Variants in RP1 observed in about 807,000 individuals in gnomAD.
RP1 encodes RP1 axonemal microtubule associated, also known as oxygen-regulated protein 1.
In RP1, 16 loss-of-function variants were observed where a neutral mutation model predicts 14.8. The ratio of observed to expected loss-of-function variants is 1.08; its 90% CI spans 0.73 to 1.65. The LOEUF is 1.65. Among genes scored for constraint, RP1 ranks in the 40% most tolerant of loss-of-function variants. The probability of loss-of-function intolerance (pLI) is 0.00; values close to 1 mark genes in which losing one functional copy is unlikely to be tolerated. For synonymous variants in RP1, 876 were observed against 883.6 expected (o/e 0.99, Z 0.15); for missense variants, 2,631 against 2,535.0 (o/e 1.04, Z -0.81).
At chr8:54,624,612 C>T in intron 3 of RP1, 58 bp from the exon 4 acceptor site, 1 of 1,558,014 alleles carries the variant, frequency 6.4e-7, no homozygotes, top group Non-Finnish European at 8.8e-7. Flanking sequence ...TTTCTAACTT[C>T]TCTGCCTTCC....
chr8:54,707,981 G>A (rs1015360782), intron 15 of RP1, among the ~76,000 whole-genome samples: 13 of 152,190 alleles, frequency 8.5e-5, no homozygotes, highest in Non-Finnish European at 1.6e-4. Context: ...TTATTACTAT[G>A]ACTAGACTAG....
At chr8:54,717,175 C>T (rs1808423710) in intron 15 of RP1, among the ~76,000 whole-genome samples, 1 of 152,172 alleles carries the variant, frequency 6.6e-6, no homozygotes, top group Non-Finnish European at 1.5e-5. Context: ...CTTTTGTCAA[C>T]CATTTTCTCT....
intron 21 of RP1, among the ~76,000 whole-genome samples, chr8:54,757,922 G>C (rs1009775756): frequency 2.0e-5 from 3 of 152,224 alleles, no homozygotes; most frequent in African/African-American, 7.2e-5. Context: ...TACTGGACTA[G>C]TAATGGTTTT....
intron 24 of RP1, among the ~76,000 whole-genome samples, chr8:54,790,146 C>T (rs1810427868): frequency 6.6e-6 from 1 of 152,186 alleles, no homozygotes; most frequent in Admixed American, 6.5e-5. Flanking sequence ...GCCAGGAGCC[C>T]AACCAGAAGT....
chr8:54,582,275 C>T (rs1485809093), intron 1 of RP1, among the ~76,000 whole-genome samples: 1 of 151,934 alleles, frequency 6.6e-6, no homozygotes, highest in Non-Finnish European at 1.5e-5. Flanking sequence ...TTCCCCATTT[C>T]TTGTTTTTGT....
chr8:54,775,501 T>C (rs1418846319), intron 23 of RP1, among the ~76,000 whole-genome samples: 1 of 152,122 alleles, frequency 6.6e-6, no homozygotes, highest in African/African-American at 2.4e-5. Context: ...TGGAAAGGAA[T>C]GAAGGCCATT....
At chr8:54,868,993 C>A (rs1324781264) in intron 28 of RP1, among the ~76,000 whole-genome samples, 1 of 152,160 alleles carries the variant, frequency 6.6e-6, no homozygotes, top group Non-Finnish European at 1.5e-5. Context: ...CCATCACTAG[C>A]ATTTACTGAA....
intron 27 of RP1, among the ~76,000 whole-genome samples, chr8:54,860,830 C>T (rs1489125602): frequency 6.6e-6 from 1 of 152,144 alleles, no homozygotes; most frequent in Non-Finnish European, 1.5e-5. Context: ...GTAACCTTCA[C>T]AGTGCTATTG....
chr8:54,805,558 T>C (rs1241822421), intron 24 of RP1, among the ~76,000 whole-genome samples: 1 of 152,214 alleles, frequency 6.6e-6, no homozygotes, highest in African/African-American at 2.4e-5. Context: ...TTGTGCCATG[T>C]TAATTGGACC....
intron 1 of RP1, among the ~76,000 whole-genome samples, chr8:54,603,966 C>T (rs186004813): frequency 5.1e-4 from 78 of 152,318 alleles, no homozygotes; most frequent in Non-Finnish European, 7.6e-4. Flanking sequence ...TCTAGATATA[C>T]GATCATGTCA....
intron 12 of RP1, among the ~76,000 whole-genome samples, chr8:54,692,999 G>A (rs962457124): frequency 2.0e-5 from 3 of 152,086 alleles, no homozygotes; most frequent in African/African-American, 7.2e-5. Flanking sequence ...TTTGTATAAG[G>A]TGTAAGGAAG....
intron 24 of RP1, among the ~76,000 whole-genome samples, chr8:54,813,182 A>G (rs1165228179): frequency 6.6e-6 from 1 of 152,262 alleles, no homozygotes; most frequent in Admixed American, 6.5e-5. Context: ...ACAGTAGCCA[A>G]TCAAATCAAC....
At chr8:54,685,784 G>A (rs1807549483) in intron 12 of RP1, among the ~76,000 whole-genome samples, 1 of 152,114 alleles carries the variant, frequency 6.6e-6, no homozygotes, top group Non-Finnish European at 1.5e-5. Context: ...CCTCTTCTCA[G>A]TTTTATGACT....
chr8:54,679,280 T>C, intron 9 of RP1: 1 of 706,830 alleles, frequency 1.4e-6, no homozygotes, highest in Non-Finnish European at 2.4e-6. Flanking sequence ...TTCCATTCTG[T>C]ACTGCTCTGC....
At chr8:54,655,221 G>A (rs1377362489) in intron 5 of RP1, among the ~76,000 whole-genome samples, 1 of 152,058 alleles carries the variant, frequency 6.6e-6, no homozygotes, top group Non-Finnish European at 1.5e-5. Flanking sequence ...ATTTAGGTAG[G>A]CTAACAATCC....
chr8:54,857,025 C>G, intron 26 of RP1: 1 of 1,105,106 alleles, frequency 9.0e-7, no homozygotes, highest in Non-Finnish European at 1.1e-6. Flanking sequence ...CTTTATTGTA[C>G]AGGTTGATAT....
At chr8:54,611,207 C>T (rs147152358), upstream of RP1, among the ~76,000 whole-genome samples, 6 of 152,256 alleles carry the variant, frequency 3.9e-5, no homozygotes, top group African/African-American at 9.6e-5. Flanking sequence ...TGTAGTTCAT[C>T]GAACTTTTGA....
At chr8:54,760,535 T>G (rs1442168343) in intron 22 of RP1, among the ~76,000 whole-genome samples, 1 of 152,226 alleles carries the variant, frequency 6.6e-6, no homozygotes, top group Non-Finnish European at 1.5e-5. Flanking sequence ...TATATTTTAA[T>G]CACATCACTC....
chr8:54,619,351 G>A (rs1036842263), intron 1 of RP1, among the ~76,000 whole-genome samples: 1 of 152,180 alleles, frequency 6.6e-6, no homozygotes, highest in Non-Finnish European at 1.5e-5. Flanking sequence ...CAGGTTTATA[G>A]CTGATTTACA....
Sources: allele counts gnomAD v4.1 joint callset (sites outside exome capture counted in the v4.1 genomes callset), GRCh38; gene constraint gnomAD v4.1.1; transcripts MANE v1.5; gene names NCBI Gene and HGNC (gene_info 2026-07-23, HGNC 2026-07-21).